Variants in MEIG1 observed in about 807,000 individuals in gnomAD.
MEIG1 encodes meiosis/spermiogenesis associated 1, also known as meiosis expressed gene 1 protein homolog.
Under a neutral mutation model 11.3 loss-of-function variants are expected in MEIG1, and 12 were observed. The observed-to-expected ratio is 1.07, with a 90% CI of 0.68 to 1.73. The LOEUF (loss-of-function observed/expected upper bound fraction) is 1.73, where lower values mean the gene tolerates loss of function less well. MEIG1 is among the 40% of genes most tolerant of loss of function. The probability of loss-of-function intolerance (pLI) is 0.00; values close to 1 mark genes in which losing one functional copy is unlikely to be tolerated. For missense variants in MEIG1, 119 were observed against 104.9 expected, an observed-to-expected ratio of 1.13 and a Z score of -0.59; for synonymous variants, 41 against 33.2, an observed-to-expected ratio of 1.24 and a Z score of -0.81.
the MEIG1 span, chr10:14,954,272 C>T: frequency 1.7e-6 from 1 of 571,828 alleles, no homozygotes; most frequent in Non-Finnish European, 3.1e-6. Flanking sequence ...GTGCAAGGCT[C>T]ATTCCCGCCC....
chr10:14,968,430 G>C (rs911942571), intron 2 of MEIG1, among the ~76,000 whole-genome samples: 14 of 152,082 alleles, frequency 9.2e-5, no homozygotes, highest in Non-Finnish European at 2.1e-4. Context: ...AGAGGTTGCA[G>C]TTAGCTGAGA....
chr10:14,986,342 A>T (rs1421910085), intron 1 of MEIG1, among the ~76,000 whole-genome samples: 1 of 152,252 alleles, frequency 6.6e-6, no homozygotes, highest in South Asian at 2.1e-4. Context: ...AAAAACAAAA[A>T]ACCAGCATGA....
chr10:14,967,702 A>G (rs1040325759), intron 2 of MEIG1, among the ~76,000 whole-genome samples: 2 of 152,174 alleles, frequency 1.3e-5, no homozygotes, highest in African/African-American at 4.8e-5. Context: ...AAATTTGTGT[A>G]TAACTTTTGA....
intron 1 of MEIG1, among the ~76,000 whole-genome samples, chr10:14,963,719 C>T (rs1025295713): frequency 2.0e-5 from 3 of 152,152 alleles, no homozygotes; most frequent in African/African-American, 7.2e-5. Context: ...AATCACAGCA[C>T]TTTGGGAGGC....
At chr10:14,963,740 G>A (rs1444647502) in intron 1 of MEIG1, among the ~76,000 whole-genome samples, 3 of 152,170 alleles carry the variant, frequency 2.0e-5, no homozygotes, top group Admixed American at 6.5e-5. Context: ...CGAGGTACAC[G>A]ATCACTTGAG....
downstream of MEIG1, among the ~76,000 whole-genome samples, chr10:14,976,289 T>C (rs1273515422): frequency 6.6e-6 from 1 of 151,460 alleles, no homozygotes; most frequent in Non-Finnish European, 1.5e-5. Context: ...ATTAATTACA[T>C]ATTATTCATC....
At chr10:14,955,958 C>G (rs991819809), upstream of MEIG1, among the ~76,000 whole-genome samples, 5 of 152,180 alleles carry the variant, frequency 3.3e-5, no homozygotes, top group Non-Finnish European at 7.3e-5. Flanking sequence ...GACCTAACAA[C>G]AAATTCTGCT....
chr10:14,974,105 T>A (rs1191628963), downstream of MEIG1, among the ~76,000 whole-genome samples: 1 of 152,182 alleles, frequency 6.6e-6, no homozygotes, highest in African/African-American at 2.4e-5. Context: ...AGCTCCCCTC[T>A]TTAATCCTTC....
intron 1 of MEIG1, among the ~76,000 whole-genome samples, chr10:14,984,593 T>G (rs1450694112): frequency 6.6e-6 from 1 of 152,046 alleles, no homozygotes; most frequent in Non-Finnish European, 1.5e-5. Context: ...ATTCATAATA[T>G]CCTAGAGGGA....
chr10:14,955,360 G>T (rs749543434), upstream of MEIG1, among the ~76,000 whole-genome samples: 1 of 152,176 alleles, frequency 6.6e-6, no homozygotes, highest in African/African-American at 2.4e-5. Flanking sequence ...GCAAGGTAAC[G>T]TGAGAACAAA....
At chr10:14,977,078 G>T (rs1174675095), downstream of MEIG1, among the ~76,000 whole-genome samples, 1 of 151,904 alleles carries the variant, frequency 6.6e-6, no homozygotes, top group Admixed American at 6.6e-5. Context: ...TAATGACACA[G>T]GGGTGTACAC....
At position 14,959,557 on chromosome 10, in the gene MEIG1, G is replaced by C. The variant is rs1052294032; in HGVS notation, c.-30G>C. ...ATAACCCAGTAGAGCCGGACCCAGG[G>C]GTGGGTGGATGCGTCGCTGGAGGCG... On this transcript the variant is annotated splice_region_variant and 5_prime_UTR_variant, in exon 1 of 3. Coordinates refer to ENST00000407572, the MANE Select transcript of MEIG1 (RefSeq NM_001080836.3). 1 of 152,298 alleles carries C rather than the reference G, an allele frequency of 6.6e-6. No homozygotes were observed. Among genetic ancestry groups the C allele is most frequent in the Admixed American group, 6.5e-5 (1 of 15,290 alleles). 9.4% of individuals were successfully genotyped at this position (152,298 alleles called of 1,614,324 possible).
chr10:14,984,229 T>A (rs1420980722), intron 1 of MEIG1, among the ~76,000 whole-genome samples: 2 of 134,136 alleles, frequency 1.5e-5, no homozygotes, highest in Non-Finnish European at 3.1e-5. Flanking sequence ...CCCCCTGCGA[T>A]GTGGATCGTA....
At chr10:14,987,124 G>C in intron 2 of MEIG1, 2 of 814,152 alleles carry the variant, frequency 2.5e-6, no homozygotes, top group Admixed American at 4.4e-5. Context: ...AAAGGACCAA[G>C]AAAGACATCT....
At chr10:14,984,574 T>C (rs952915462) in intron 1 of MEIG1, among the ~76,000 whole-genome samples, 2 of 151,950 alleles carry the variant, frequency 1.3e-5, no homozygotes, top group Admixed American at 6.6e-5. Context: ...GAAGTTTCCC[T>C]TTGATATTAT....
chr10:14,979,486 T>C (rs1843243192), intron 1 of MEIG1, among the ~76,000 whole-genome samples: 1 of 151,766 alleles, frequency 6.6e-6, no homozygotes, highest in Non-Finnish European at 1.5e-5. Context: ...CTGATATTAT[T>C]CGTAATATCC....
At chr10:14,968,496 AAATT>A (rs1157718833) in intron 2 of MEIG1, among the ~76,000 whole-genome samples, 2 of 152,110 alleles carry the variant, frequency 1.3e-5, no homozygotes, top group African/African-American at 4.8e-5. Flanking sequence ...TCAAATAAAT[AAATT>A]AATTAATTAA....
chr10:14,959,213 C>T (rs1564502002), upstream of MEIG1, among the ~76,000 whole-genome samples: 1 of 152,218 alleles, frequency 6.6e-6, no homozygotes, highest in East Asian at 1.9e-4. Flanking sequence ...TCCATCTCTG[C>T]TCAGGGGTGA....
chr10:14,965,571 A>G (rs1213445248), intron 1 of MEIG1, among the ~76,000 whole-genome samples: 1 of 152,140 alleles, frequency 6.6e-6, no homozygotes, highest in Non-Finnish European at 1.5e-5. Context: ...AATTGCAGCA[A>G]TTGGGATGTC....
Sources: allele counts gnomAD v4.1 joint callset (sites outside exome capture counted in the v4.1 genomes callset), GRCh38; gene constraint gnomAD v4.1.1; transcripts MANE v1.5; gene names NCBI Gene and HGNC (gene_info 2026-07-23, HGNC 2026-07-21).